Variants in DCLRE1B observed in about 807,000 individuals in gnomAD.
DCLRE1B encodes the protein 5' exonuclease Apollo.
DCLRE1B carries 6 observed loss-of-function variants against 19.8 expected under a neutral mutation model. The observed-to-expected ratio is 0.30, with a 90% CI of 0.17 to 0.60. DCLRE1B has a LOEUF of 0.60. Ranked by LOEUF, DCLRE1B falls within the 20% of genes least tolerant of loss-of-function variation. The probability of loss-of-function intolerance (pLI) is 0.87; values close to 1 mark genes in which losing one functional copy is unlikely to be tolerated. For missense variants in DCLRE1B, 622 were observed against 654.2 expected, an observed-to-expected ratio of 0.95 and a Z score of 0.54; for synonymous variants, 258 against 255.7, an observed-to-expected ratio of 1.01 and a Z score of -0.09.
Position 113,912,183 on chromosome 1 carries a change from C to A in DCLRE1B, c.1591C>A (p.Pro531Thr), listed in dbSNP as rs773409065. The A allele has an allele frequency of 6.2e-7, 1 of 1,610,334 alleles. No individual in the cohort carries two copies. Among genetic ancestry groups the A allele is most frequent in the Non-Finnish European group, 8.5e-7 (1 of 1,178,612 alleles). Residue 531 changes from proline to threonine, a missense_variant, in exon 4 of 4, where the codon CCC (proline) becomes ACC (threonine). Pro to Thr is a conservative substitution (Grantham distance 38). Coordinates refer to ENST00000650450, the MANE Select transcript of DCLRE1B (RefSeq NM_022836.4). ...FDQQVEKYHK[P>T]C is the part of the protein sequence containing the mutation. ...CCAGCAAGTGGAAAAATACCATAAACCCTGCTGAAGACAGGAGAGTACAGA... is the reference window on the plus strand; with the variant it reads ...CCAGCAAGTGGAAAAATACCATAAAACCTGCTGAAGACAGGAGAGTACAGA...
upstream of DCLRE1B, chr1:113,904,870 C>A: frequency 1.4e-6 from 1 of 708,632 alleles, no homozygotes; most frequent in East Asian, 2.8e-5. Context: ...GTAGGGCCGG[C>A]ACGCTGGCCC....
chr1:113,907,204 G>GGTTTTTTTTTT (rs1553261613), intron 2 of DCLRE1B, 43 bp downstream of exon 2: 1 of 465,990 alleles, frequency 2.1e-6, no homozygotes, highest in African/African-American at 5.9e-5. Flanking sequence ...CAGACTAGAT[G>GGTTTTTTTTTT]TTTTTTTTTT....
Position 113,907,178 on chromosome 1 carries a change from A to T in DCLRE1B, c.355+17A>T. 7.5e-7 allele frequency: 1 copy of T among 1,331,492 alleles called. No individual in the cohort carries two copies. The highest frequency in any genetic ancestry group is 1.0e-6 in the Non-Finnish European group (1 of 960,390). The allele number at this position is 1,331,492 out of a possible 1,614,324, so 82.5% of individuals were successfully genotyped here. A position where few individuals can be genotyped will look rare whatever the true frequency, so the allele number is the denominator to read the frequency against. On this transcript the variant is annotated intron_variant, in intron 2 of 3. Transcript: ENST00000650450. ...TCTACACAGGTGGGCCTCTCAAGGA[A>T]TCCCAGTGACTTCTCCAGACTAGAT...
At position 113,912,031 on chromosome 1, in the gene DCLRE1B, G is replaced by C; in HGVS notation, c.1439G>C (p.Gly480Ala). 2 of 1,614,222 alleles carry C rather than the reference G, an allele frequency of 1.2e-6. No homozygotes were observed. Among genetic ancestry groups the C allele is most frequent in the Non-Finnish European group, 1.7e-6 (2 of 1,180,038 alleles). ...TGNQSAWMGH[G>A]SPLSHSSKGT... ...AATCAGAGTGCCTGGATGGGCCATG[G>C]TTCTCCCCTGTCCCACAGCAGCAAG... Residue 480 changes from glycine to alanine, a missense_variant, in exon 4 of 4, where the codon GGT becomes GCT. By Grantham distance (60) the Gly-to-Ala change is moderately conservative. Transcript: ENST00000650450.
chr1:113,905,902 T>G, intron 1 of DCLRE1B, 127 bp downstream of exon 1: 1 of 1,118,602 alleles, frequency 8.9e-7, no homozygotes, highest in Non-Finnish European at 1.2e-6. Flanking sequence ...AACCCAAAAA[T>G]GCATCTTTAA....
At chr1:113,907,979 C>T (rs1325371712) in intron 2 of DCLRE1B, 30 bp from the exon 3 acceptor site, 1 of 1,594,942 alleles carries the variant, frequency 6.3e-7, no homozygotes, top group East Asian at 2.2e-5. Flanking sequence ...TTGTCTCTGA[C>T]CTTCTGCCCC....
chr1:113,906,830 A>C (rs907051913), intron 1 of DCLRE1B, among the ~76,000 whole-genome samples, 166 bp from the exon 2 acceptor site: 1 of 152,066 alleles, frequency 6.6e-6, no homozygotes, highest in African/African-American at 2.4e-5. Context: ...TGGGATGGGA[A>C]GTGGAAGGAG....
chr1:113,905,090 C>T, upstream of DCLRE1B: 1 of 371,422 alleles, frequency 2.7e-6, no homozygotes, highest in African/African-American at 2.1e-5. Context: ...GTTCTCATCG[C>T]GGATAGGCCC....
Position 113,905,788 on chromosome 1 carries a change from A to G in DCLRE1B, c.189+13A>G, listed in dbSNP as rs780452723. On this transcript the variant is annotated intron_variant, in intron 1 of 3. Transcript: ENST00000650450. ...TCGTCACCTACAGGTATGGGGCTGG[A>G]GTCGGTCTCCGAGAGCTGGTCCAGG... is the stretch of plus-strand genomic sequence containing the variant. 7 of 1,603,432 alleles carry G rather than the reference A, an allele frequency of 4.4e-6. No individual in the cohort carries two copies. The highest frequency in any genetic ancestry group is 6.0e-6 in the Non-Finnish European group (7 of 1,173,052).
rs71090746 is a variant in DCLRE1B at position 113,907,204 on chromosome 1, GTTTT to G, written c.355+70_355+73del. ...TCCCAGTGACTTCTCCAGACTAGAT[GTTTT>G]TTTTTTTTTTTTTTTTTTTTTTTTT... On this transcript the variant is annotated intron_variant, in intron 2 of 3. Transcript: ENST00000650450. 2.1e-3 allele frequency: 1,042 copies of G among 491,780 alleles called. 5 individuals are homozygous for G. Among genetic ancestry groups the G allele is most frequent in the African/African-American group, 0.015 (266 of 17,178 alleles). 30.5% of individuals were successfully genotyped at this position (491,780 alleles called of 1,614,324 possible).
rs1324022784 is a variant in DCLRE1B at position 113,912,486 on chromosome 1, C to A, written c.*295C>A. The A allele has an allele frequency of 7.6e-6, 2 of 261,602 alleles. No individual in the cohort carries two copies. The highest frequency in any genetic ancestry group is 7.9e-5 in the East Asian group (1 of 12,720). The allele number at this position is 261,602 out of a possible 1,614,324, so 16.2% of individuals were successfully genotyped here. A position where few individuals can be genotyped will look rare whatever the true frequency, so the allele number is the denominator to read the frequency against. ...CCTACAGTAACTTAATCTGTTTAAC[C>A]TTGTTTAACCCAGTATTTCTCAAAC... On this transcript the variant is annotated 3_prime_UTR_variant, in exon 4 of 4. Coordinates refer to ENST00000650450, the MANE Select transcript of DCLRE1B (RefSeq NM_022836.4).
rs140185170 is a variant in DCLRE1B at position 113,913,767 on chromosome 1, TC to T, written c.*1577del. 0.21 allele frequency: 32,507 copies of T among 151,686 alleles called. 3,795 individuals are homozygous for T. Among genetic ancestry groups the T allele is most frequent in the Non-Finnish European group, 0.26 (17,349 of 67,814 alleles). The allele number at this position is 151,686 out of a possible 1,614,324, so 9.4% of individuals were successfully genotyped here. ...TATATAACATAAGAAACTTTGAAAG[TC>T]AAAAAAACAAAAAATTTTAATTCCT... On this transcript the variant is annotated 3_prime_UTR_variant, in exon 4 of 4. Coordinates refer to ENST00000650450, the MANE Select transcript of DCLRE1B (RefSeq NM_022836.4).
chr1:113,905,514 C>T lies in DCLRE1B; in HGVS notation c.-73C>T. The T allele has an allele frequency of 6.7e-7, 1 of 1,499,496 alleles. No homozygotes were observed. Among genetic ancestry groups the T allele is most frequent in the Non-Finnish European group, 9.2e-7 (1 of 1,089,930 alleles). 92.9% of individuals were successfully genotyped at this position (1,499,496 alleles called of 1,614,324 possible). Reference sequence around the variant, plus strand: ...CCCCAGCATGACTTTTATCGGGACGCCGTTGTGGAAGCCTCACGCAGGAGC... The same window carrying T: ...CCCCAGCATGACTTTTATCGGGACGTCGTTGTGGAAGCCTCACGCAGGAGC... On this transcript the variant is annotated 5_prime_UTR_variant, in exon 1 of 4. Transcript: ENST00000650450.
chr1:113,905,645 G>C lies in DCLRE1B; in HGVS notation c.59G>C (p.Arg20Pro). 6.2e-7 allele frequency: 1 copy of C among 1,614,160 alleles called. No homozygotes were observed. The highest frequency in any genetic ancestry group is 8.5e-7 in the Non-Finnish European group (1 of 1,180,046). Residue 20 changes from arginine to proline, a missense_variant, in exon 1 of 4, where the codon CGG (arginine) becomes CCG (proline). Arg to Pro is a moderately radical substitution (Grantham distance 103). This residue lies in a region of DCLRE1B where 237 missense variants were observed against 223.8 expected (regional missense o/e 1.06). Coordinates refer to ENST00000650450, the MANE Select transcript of DCLRE1B (RefSeq NM_022836.4). The part of the protein sequence containing the change: ...PIAVDFWSLR[R>P]AGTARLFFLS... The stretch of plus-strand genomic sequence containing the variant: ...GCAGTGGACTTCTGGAGCCTGCGCC[G>C]GGCTGGCACCGCACGTCTCTTCTTC...
intron 3 of DCLRE1B, among the ~76,000 whole-genome samples, chr1:113,910,430 C>A (rs976561621): frequency 2.6e-5 from 4 of 152,190 alleles, no homozygotes; most frequent in Non-Finnish European, 5.9e-5. Context: ...GCCAGGTTAA[C>A]CTTGCCCATC....
chr1:113,905,205 C>T (rs539322999), upstream of DCLRE1B: 44 of 334,528 alleles, frequency 1.3e-4, no homozygotes, highest in East Asian at 2.7e-3. Flanking sequence ...CGACTCCGAC[C>T]TTAGGATGCC....
In DCLRE1B at chr1:113,907,234, T is replaced by TTTTTTA. The variant is rs369506973; in HGVS notation, c.355+73_355+74insTTTTTA. On this transcript the variant is annotated intron_variant, in intron 2 of 3. Coordinates refer to ENST00000650450, the MANE Select transcript of DCLRE1B (RefSeq NM_022836.4). Reference sequence around the variant, plus strand: ...TTTTTTTTTTTTTTTTTTTTTTTTTTAATGTATAGACTGGGGCCTCGCAGT... The same window carrying TTTTTTA: ...TTTTTTTTTTTTTTTTTTTTTTTTTTTTTTTAAATGTATAGACTGGGGCCTCGCAGT... 113 of 991,248 alleles carry TTTTTTA rather than the reference T, an allele frequency of 1.1e-4. 2 individuals carry two copies. The highest frequency in any genetic ancestry group is 2.9e-4 in the South Asian group (15 of 52,192). 61.4% of individuals were successfully genotyped at this position (991,248 alleles called of 1,614,324 possible). A position where few individuals can be genotyped will look rare whatever the true frequency, so the allele number is the denominator to read the frequency against.
chr1:113,911,242 C>A lies in DCLRE1B; in HGVS notation c.650C>A (p.Ala217Glu). 6.2e-7 allele frequency: 1 copy of A among 1,614,122 alleles called. No homozygotes were observed. The highest frequency in any genetic ancestry group is 8.5e-7 in the Non-Finnish European group (1 of 1,180,018). ...RLELVQLLGL[A>E]DVFTVEEKAG... ...GAGTTGGTACAGCTACTGGGCCTGG[C>A]AGATGTGTTCACAGTGGAGGAGAAG... is the stretch of plus-strand genomic sequence containing the variant. The change falls in exon 4 of 4, where the codon GCA becomes GAA. Residue 217 changes from alanine to glutamate, a missense_variant. This residue lies in a region of DCLRE1B where 382 missense variants were observed against 412.5 expected (regional missense o/e 0.93). Transcript: ENST00000650450.
At position 113,905,562 on chromosome 1, in the gene DCLRE1B, C is replaced by G. The variant is rs778045535; in HGVS notation, c.-25C>G. 1 of 1,610,478 alleles carries G rather than the reference C, an allele frequency of 6.2e-7. No homozygotes were observed. ...AGCCCTGCCCCCGTGGAGAAGATCC[C>G]ACTGGTGACTCCAACCCTACCACCA... On this transcript the variant is annotated 5_prime_UTR_variant, in exon 1 of 4. Transcript: ENST00000650450.
Sources: gnomAD v4.1 joint callset for allele counts (sites outside exome capture counted in the v4.1 genomes callset) on GRCh38, gnomAD v4.1.1 for gene constraint, gnomAD v4.1.1 regional missense constraint, MANE v1.5 for transcripts, NCBI Gene and HGNC (gene_info 2026-07-23, HGNC 2026-07-21) for gene names.